Variants in IKZF2 observed in about 807,000 individuals in gnomAD.
IKZF2 encodes the protein zinc finger protein Helios.
A neutral mutation model predicts 49.2 loss-of-function variants in IKZF2; 15 were observed. The ratio of observed to expected loss-of-function variants is 0.30; its 90% CI spans 0.20 to 0.47. The LOEUF is 0.47. Among genes scored for constraint, IKZF2 ranks in the 20% least tolerant of loss-of-function variants. The pLI is 1.00. For synonymous variants in IKZF2, 227 were observed against 221.4 expected, an observed-to-expected ratio of 1.03 and a Z score of -0.23; for missense variants, 567 against 664.6, an observed-to-expected ratio of 0.85 and a Z score of 1.61.
rs1272986851 is a variant in IKZF2, at chr2:213,005,084, T to G, written c.*2276A>C. 1 of 150,916 alleles carries G rather than the reference T, an allele frequency of 6.6e-6. No homozygotes were observed. The highest frequency in any genetic ancestry group is 1.5e-5 in the Non-Finnish European group (1 of 67,794). The allele number at this position is 150,916 out of a possible 1,614,324, so 9.3% of individuals were successfully genotyped here. On this transcript the variant is annotated 3_prime_UTR_variant, in exon 9 of 9. Coordinates refer to ENST00000434687, the MANE Select transcript of IKZF2 (RefSeq NM_001387220.1). Reference sequence around the variant, plus strand: ...ATGAACATATTGACTGACATCCAAATGTTTCCTTAAATTGCAGTAAAAGAC... The same window carrying G: ...ATGAACATATTGACTGACATCCAAAGGTTTCCTTAAATTGCAGTAAAAGAC...
chr2:213,056,675 G>T (rs910768639), intron 5 of IKZF2, 158 bp downstream of exon 5: 1 of 866,060 alleles, frequency 1.2e-6, no homozygotes, highest in Non-Finnish European at 1.9e-6. Flanking sequence ...CAAGACCCAG[G>T]CTACTCTCTG....
chr2:213,063,425 G>A (rs1055896283), intron 4 of IKZF2, among the ~76,000 whole-genome samples: 13 of 151,826 alleles, frequency 8.6e-5, no homozygotes, highest in African/African-American at 2.4e-4. Flanking sequence ...GGGACCTTGG[G>A]AAATTTGTTT....
intron 4 of IKZF2, among the ~76,000 whole-genome samples, chr2:213,101,863 T>C (rs2125707475): frequency 1.3e-5 from 2 of 152,276 alleles, no homozygotes; most frequent in South Asian, 4.1e-4. Flanking sequence ...CAAAGAAACA[T>C]TCTTTCTTAC....
intron 4 of IKZF2, among the ~76,000 whole-genome samples, chr2:213,071,068 G>A (rs1428161697): frequency 6.6e-6 from 1 of 152,078 alleles, no homozygotes; most frequent in Non-Finnish European, 1.5e-5. Context: ...AGGAAGCTGA[G>A]GATCAGGACC....
intron 4 of IKZF2, among the ~76,000 whole-genome samples, chr2:213,077,126 G>A (rs1237546709): frequency 1.3e-5 from 2 of 152,154 alleles, no homozygotes; most frequent in African/African-American, 2.4e-5. Context: ...CTGGTATAGA[G>A]AAGGCTTATT....
At chr2:213,039,702 A>G (rs1017214067) in intron 6 of IKZF2, among the ~76,000 whole-genome samples, 1 of 152,162 alleles carries the variant, frequency 6.6e-6, no homozygotes, top group African/African-American at 2.4e-5. Flanking sequence ...CTAATTTTAC[A>G]AAGTAGTTAT....
At chr2:213,008,620 T>C (rs1193631032) in intron 8 of IKZF2, among the ~76,000 whole-genome samples, 1 of 152,120 alleles carries the variant, frequency 6.6e-6, no homozygotes, top group Non-Finnish European at 1.5e-5. Context: ...TGAGAATGCA[T>C]CTAGTCTGAA....
chr2:213,142,226 C>G (rs771233684), intron 4 of IKZF2, among the ~76,000 whole-genome samples: 1 of 151,800 alleles, frequency 6.6e-6, no homozygotes, highest in Non-Finnish European at 1.5e-5. Flanking sequence ...TTGAGCGCCA[C>G]CCCCCTCCCC....
chr2:213,100,214 A>G (rs544672538), intron 4 of IKZF2, among the ~76,000 whole-genome samples: 1 of 152,162 alleles, frequency 6.6e-6, no homozygotes, highest in East Asian at 1.9e-4. Flanking sequence ...ACAAAATACA[A>G]GCCCCCTATT....
chr2:213,057,804 AT>A (rs1701307013), intron 4 of IKZF2, among the ~76,000 whole-genome samples: 1 of 152,170 alleles, frequency 6.6e-6, no homozygotes, highest in Non-Finnish European at 1.5e-5. Flanking sequence ...ACTCTAATCT[AT>A]GCACACCAAA....
intron 4 of IKZF2, among the ~76,000 whole-genome samples, chr2:213,109,182 A>G (rs1219069722): frequency 6.6e-6 from 1 of 152,142 alleles, no homozygotes; most frequent in Non-Finnish European, 1.5e-5. Context: ...GACTTATTTT[A>G]GAAGTGATTT....
chr2:213,029,659 C>T (rs1267265455), intron 6 of IKZF2, among the ~76,000 whole-genome samples: 2 of 151,866 alleles, frequency 1.3e-5, no homozygotes, highest in Non-Finnish European at 2.9e-5. Context: ...TAACTGTGGC[C>T]ATCTAAGATG....
chr2:213,073,640 T>C (rs145613792), intron 4 of IKZF2, among the ~76,000 whole-genome samples: 8 of 152,248 alleles, frequency 5.3e-5, no homozygotes, highest in Non-Finnish European at 1.2e-4. Flanking sequence ...ACAAATTAAA[T>C]GAAAATCAGG....
chr2:213,121,345 C>T (rs749969780), intron 4 of IKZF2, among the ~76,000 whole-genome samples: 8 of 152,286 alleles, frequency 5.3e-5, no homozygotes, highest in South Asian at 4.1e-4. Flanking sequence ...TTTGTACAAG[C>T]GCATTTAAAA....
chr2:213,132,242 C>CA (rs2060497099), intron 4 of IKZF2, among the ~76,000 whole-genome samples: 1 of 151,774 alleles, frequency 6.6e-6, no homozygotes, highest in Non-Finnish European at 1.5e-5. Flanking sequence ...CAAGGAGTTT[C>CA]CAGTCACACA....
chr2:213,115,062 G>T (rs765237981), intron 4 of IKZF2, among the ~76,000 whole-genome samples: 21 of 152,194 alleles, frequency 1.4e-4, no homozygotes, highest in Non-Finnish European at 2.5e-4. Flanking sequence ...AGTTATAGTA[G>T]GTAATGCTGG....
chr2:213,033,113 C>T (rs1698645527), intron 6 of IKZF2, among the ~76,000 whole-genome samples: 1 of 152,208 alleles, frequency 6.6e-6, no homozygotes, highest in African/African-American at 2.4e-5. Context: ...TCTCAAGAAA[C>T]CACTTTCTTT....
intron 4 of IKZF2, among the ~76,000 whole-genome samples, chr2:213,091,664 A>G (rs1017282711): frequency 6.6e-6 from 1 of 152,222 alleles, no homozygotes; most frequent in Non-Finnish European, 1.5e-5. Flanking sequence ...AAAGGTAGAT[A>G]TGAGATCAAG....
At chr2:213,119,101 G>T (rs1009460042) in intron 4 of IKZF2, among the ~76,000 whole-genome samples, 2 of 152,200 alleles carry the variant, frequency 1.3e-5, no homozygotes, top group Non-Finnish European at 2.9e-5. Context: ...AATAAAGAAA[G>T]ATTGTGAAGA....
Sources: gnomAD v4.1 joint callset for allele counts (sites outside exome capture counted in the v4.1 genomes callset) on GRCh38, gnomAD v4.1.1 for gene constraint, MANE v1.5 for transcripts, NCBI Gene and HGNC (gene_info 2026-07-23, HGNC 2026-07-21) for gene names.